USP42: variants seen among roughly 807,000 people sequenced by gnomAD.
USP42 encodes the protein ubiquitin specific peptidase 42, also known as ubiquitin carboxyl-terminal hydrolase 42.
A neutral mutation model predicts 113.0 loss-of-function variants in USP42; 23 were observed. The observed-to-expected ratio is 0.20, with a 90% CI of 0.15 to 0.29. USP42 has a LOEUF of 0.29. USP42 is among the 10% of genes least tolerant of loss of function. USP42 has a pLI of 1.00. For synonymous variants in USP42, 933 were observed against 699.0 expected (o/e 1.33, Z -5.28); for missense variants, 2,174 against 1,779.8 (o/e 1.22, Z -3.99).
chr7:6,082,046 G>A, the USP42 span, among the ~76,000 whole-genome samples: 1 of 151,748 alleles, frequency 6.6e-6, no homozygotes, highest in African/African-American at 2.4e-5. Context: ...ATATATGTAT[G>A]TATACATATT....
chr7:6,126,680 C>T lies in USP42; in HGVS notation c.443-9161C>T, dbSNP rs150368729. ...GTGAGTGGAGCTGCGGTAAACACAT[C>T]TAGGTTGTTTCTAGTTTTGGGATAT... On this transcript the variant is annotated intron_variant, in intron 3 of 17. Transcript: ENST00000306177. Among the ~76,000 whole-genome samples, 361 of 152,032 alleles carry T rather than the reference C, an allele frequency of 2.4e-3. 2 individuals are homozygous for T. Among genetic ancestry groups the T allele is most frequent in the Admixed American group, 4.4e-3 (67 of 15,256 alleles).
At chr7:6,153,090 T>C in intron 14 of USP42, 1 of 267,102 alleles carries the variant, frequency 3.7e-6, no homozygotes, top group Non-Finnish European at 5.8e-6. Flanking sequence ...GGCCAAGGTA[T>C]AGTGAAACCC....
Position 6,140,975 on chromosome 7 carries a change from G to A in USP42, c.786G>A (p.Leu262=). ...DTFDPYLDIT[L]EIKAAQSVNK... ...TTGATCCATATCTTGATATAACATTGGAGATAAAGGTAAATTTCATAATTA... is the reference window on the plus strand; with the variant it reads ...TTGATCCATATCTTGATATAACATTAGAGATAAAGGTAAATTTCATAATTA... Residue 262 remains leucine (L), a synonymous_variant, in exon 7 of 18, where the codon TTG becomes TTA. Coordinates refer to ENST00000306177, the MANE Select transcript of USP42 (RefSeq NM_032172.3). 6.6e-7 allele frequency: 1 copy of A among 1,511,456 alleles called. No individual in the cohort carries two copies. Among genetic ancestry groups the A allele is most frequent in the Non-Finnish European group, 9.0e-7 (1 of 1,110,426 alleles). 93.6% of individuals were successfully genotyped at this position (1,511,456 alleles called of 1,614,324 possible). A position where few individuals can be genotyped will look rare whatever the true frequency, so the allele number is the denominator to read the frequency against.
intron 14 of USP42, among the ~76,000 whole-genome samples, chr7:6,152,439 C>A (rs1047824689): frequency 2.0e-5 from 3 of 152,244 alleles, no homozygotes; most frequent in African/African-American, 7.2e-5. Flanking sequence ...TGGCACTCAC[C>A]TGTGGGGGTG....
At chr7:6,090,662 C>G in the USP42 span, among the ~76,000 whole-genome samples, 5 of 146,728 alleles carry the variant, frequency 3.4e-5, no homozygotes, top group Admixed American at 2.7e-4. Context: ...TTGCAGTGAG[C>G]TGGGATCATG....
At chr7:6,151,652 A>G (rs927412943) in intron 14 of USP42, among the ~76,000 whole-genome samples, 19 of 152,160 alleles carry the variant, frequency 1.2e-4, no homozygotes, top group African/African-American at 4.3e-4. Context: ...CATGTTGGTC[A>G]GGCTGGTCTC....
rs1332717805 is a variant in USP42 at position 6,154,754 on chromosome 7, C to T, written c.3200C>T (p.Ala1067Val). ...TGCCGGTACTACCATGACAGGTACG[C>T]CCTGTACGCTGCCCGGGACTGGAAG... The part of the protein sequence containing the change: ...DRCRYYHDRY[A>V]LYAARDWKPF... The change falls in exon 15 of 18, where the codon GCC (alanine) becomes GTC (valine). Residue 1067 changes from alanine to valine, a missense_variant. By Grantham distance (64) the Ala-to-Val change is moderately conservative. Coordinates refer to ENST00000306177, the MANE Select transcript of USP42 (RefSeq NM_032172.3). 3.8e-6 allele frequency: 6 copies of T among 1,564,104 alleles called. No individual in the cohort carries two copies. The highest frequency in any genetic ancestry group is 5.2e-6 in the Non-Finnish European group (6 of 1,155,966).
At chr7:6,132,114 A>C (rs1780882165) in intron 3 of USP42, among the ~76,000 whole-genome samples, 1 of 152,114 alleles carries the variant, frequency 6.6e-6, no homozygotes, top group African/African-American at 2.4e-5. Flanking sequence ...TTGTAGAGAC[A>C]GGATTTTGGC....
intron 11 of USP42, among the ~76,000 whole-genome samples, 184 bp from the exon 12 acceptor site, chr7:6,147,555 T>A (rs1781785332): frequency 9.2e-5 from 14 of 152,274 alleles, no homozygotes; most frequent in Admixed American, 9.2e-4. Context: ...TGTTGTCTCC[T>A]GATCTGAGTG....
At chr7:6,152,792 C>T (rs573363672) in intron 14 of USP42, among the ~76,000 whole-genome samples, 9 of 152,310 alleles carry the variant, frequency 5.9e-5, no homozygotes, top group East Asian at 1.9e-4. Context: ...TACTACAGAA[C>T]GTTTTGCTAA....
the USP42 span, among the ~76,000 whole-genome samples, chr7:6,086,551 T>C: frequency 8.6e-5 from 13 of 150,832 alleles, no homozygotes; most frequent in Non-Finnish European, 1.8e-4. Flanking sequence ...GTTTTCACCA[T>C]GTTGGCCATG....
Position 6,139,109 on chromosome 7 carries a change from C to T in USP42, c.571C>T (p.Arg191Cys), listed in dbSNP as rs1240951945. ...TTTTACAGGTATAGCTAGGCACTTC[C>T]GTTTTGGAAACCAAGAAGATGCCCA... is the stretch of plus-strand genomic sequence containing the variant. ...NEMRRIARHF[R>C]FGNQEDAHEF... The change falls in exon 5 of 18, where the codon CGT (arginine) becomes TGT (cysteine). Residue 191 changes from arginine to cysteine, a missense_variant. Coordinates refer to ENST00000306177, the MANE Select transcript of USP42 (RefSeq NM_032172.3). The surrounding 1 kb of genome is among the most constrained non-coding windows in gnomAD (Gnocchi z 4.5). 3 of 1,608,180 alleles carry T rather than the reference C, an allele frequency of 1.9e-6. No individual in the cohort carries two copies. Among genetic ancestry groups the T allele is most frequent in the Admixed American group, 1.7e-5 (1 of 59,232 alleles).
the USP42 span, among the ~76,000 whole-genome samples, chr7:6,082,739 T>C: frequency 6.8e-6 from 1 of 146,880 alleles, no homozygotes; most frequent in Non-Finnish European, 1.5e-5. Flanking sequence ...GCCTCCGTAG[T>C]AGCTGGGACC....
upstream of USP42, among the ~76,000 whole-genome samples, chr7:6,104,523 T>G (rs1163004293): frequency 6.6e-6 from 1 of 152,248 alleles, no homozygotes; most frequent in African/African-American, 2.4e-5. Flanking sequence ...GATCCCAGAC[T>G]CCTGCGTCCC....
At position 6,105,189 on chromosome 7, in the gene USP42, G is replaced by A. The variant is rs1329789131; in HGVS notation, c.-10+157G>A. On this transcript the variant is annotated intron_variant, in intron 1 of 17. Transcript: ENST00000306177. Reference sequence around the variant, plus strand: ...GCCCGCCTCCCCCTACACAGCCGCGGGCCGCCCGGGACCCCGCCGCTCTGG... The same window carrying A: ...GCCCGCCTCCCCCTACACAGCCGCGAGCCGCCCGGGACCCCGCCGCTCTGG... Among the ~76,000 whole-genome samples the A allele has an allele frequency of 3.4e-5, 5 of 145,600 alleles. No individual in the cohort carries two copies. In the East Asian group the frequency reaches 1.0e-3, roughly 29 times the overall value.
At chr7:6,108,451 A>G (rs185290884) in intron 1 of USP42, among the ~76,000 whole-genome samples, 204 of 152,300 alleles carry the variant, frequency 1.3e-3, no homozygotes, top group Middle Eastern at 3.4e-3. Flanking sequence ...TCCCTACTTC[A>G]TAGCATGGGT....
Position 6,154,208 on chromosome 7 carries a change from A to G in USP42, c.2654A>G (p.Asp885Gly). 1 of 1,606,272 alleles carries G rather than the reference A, an allele frequency of 6.2e-7. No homozygotes were observed. Among genetic ancestry groups the G allele is most frequent in the Non-Finnish European group, 8.5e-7 (1 of 1,178,864 alleles). The change falls in exon 15 of 18, where the codon GAC becomes GGC. Residue 885 changes from aspartate to glycine, a missense_variant. Physicochemically the swap from Asp to Gly is moderately conservative, Grantham distance 94. Coordinates refer to ENST00000306177, the MANE Select transcript of USP42 (RefSeq NM_032172.3). ...GGGGACCACGCCCGGGACGCTCAGGACCCATCCCAGAGCTTGGGCGCACCC... is the reference window on the plus strand; with the variant it reads ...GGGGACCACGCCCGGGACGCTCAGGGCCCATCCCAGAGCTTGGGCGCACCC... The part of the protein sequence containing the change: ...PSGDHARDAQ[D>G]PSQSLGAPEA...
At chr7:6,102,150 C>A (rs1468941327), upstream of USP42, among the ~76,000 whole-genome samples, 1 of 137,558 alleles carries the variant, frequency 7.3e-6, no homozygotes, top group Admixed American at 7.3e-5. Flanking sequence ...GAATCTCACT[C>A]TGTTGCCCAG....
intron 14 of USP42, 81 bp from the exon 15 acceptor site, chr7:6,153,674 GA>G: frequency 7.3e-7 from 1 of 1,363,224 alleles, no homozygotes; most frequent in Non-Finnish European, 9.5e-7. Flanking sequence ...TGAACGTTTT[GA>G]AGTATTTGTC....
Sources: allele counts gnomAD v4.1 joint callset (sites outside exome capture counted in the v4.1 genomes callset), GRCh38; gene constraint gnomAD v4.1.1; non-coding constraint Gnocchi (gnomAD v3.1); transcripts MANE v1.5; gene names NCBI Gene and HGNC (gene_info 2026-07-23, HGNC 2026-07-21).